Variants in WIPF1 observed in about 807,000 individuals in gnomAD.
WIPF1 encodes WAS/WASL interacting protein family member 1.
A neutral mutation model predicts 35.4 loss-of-function variants in WIPF1; 13 were observed. That is an observed-to-expected ratio of 0.37 (90% CI 0.24 to 0.58). The LOEUF is 0.58. Among genes scored for constraint, WIPF1 ranks in the 20% least tolerant of loss-of-function variants. The pLI, the probability that WIPF1 is intolerant of heterozygous loss-of-function variation, is 0.74. For missense variants in WIPF1, 591 were observed against 667.0 expected, an observed-to-expected ratio of 0.89 and a Z score of 1.25; for synonymous variants, 267 against 266.3, an observed-to-expected ratio of 1.00 and a Z score of -0.02.
chr2:174,638,574 C>A (rs1186385500), intron 1 of WIPF1, among the ~76,000 whole-genome samples: 1 of 151,944 alleles, frequency 6.6e-6, no homozygotes, highest in Non-Finnish European at 1.5e-5. Context: ...TAGTAACCAT[C>A]TGTTCTATTC....
chr2:174,627,488 TC>T (rs1262994660), intron 1 of WIPF1, among the ~76,000 whole-genome samples: 1 of 149,158 alleles, frequency 6.7e-6, no homozygotes, highest in Non-Finnish European at 1.5e-5. Flanking sequence ...TCTTTTTCCC[TC>T]CCTTCCTTCC....
chr2:174,652,414 A>G (rs930904668), intron 1 of WIPF1, among the ~76,000 whole-genome samples: 4 of 152,250 alleles, frequency 2.6e-5, no homozygotes, highest in African/African-American at 9.6e-5. Context: ...GGGAGGCCAC[A>G]GTCCCAGGGC....
At chr2:174,581,737 T>C (rs1214658937) in intron 2 of WIPF1, among the ~76,000 whole-genome samples, 2 of 152,160 alleles carry the variant, frequency 1.3e-5, no homozygotes, top group African/African-American at 4.8e-5. Flanking sequence ...TAGGGTGAGA[T>C]GACTAGACAC....
chr2:174,596,978 A>G (rs762883030), intron 1 of WIPF1, among the ~76,000 whole-genome samples: 4 of 152,242 alleles, frequency 2.6e-5, no homozygotes, highest in Admixed American at 2.6e-4. Flanking sequence ...AACATTAATC[A>G]TATTAAACAT....
rs748972828 is a variant in WIPF1, at chr2:174,585,587, G to A, written c.-14C>T. On this transcript the variant is annotated 5_prime_UTR_variant, in exon 2 of 8. Transcript: ENST00000679041. ...AGGGACAGGCATCTTGGGCAGTTAT[G>A]CGTTCAACAGTCTTGCTGATAAATC... The A allele has an allele frequency of 2.5e-6, 4 of 1,611,928 alleles. No homozygotes were observed. The highest frequency in any genetic ancestry group is 3.4e-6 in the Non-Finnish European group (4 of 1,178,924).
intron 1 of WIPF1, among the ~76,000 whole-genome samples, chr2:174,680,018 G>C (rs1312425920): frequency 6.6e-6 from 1 of 152,214 alleles, no homozygotes; most frequent in Non-Finnish European, 1.5e-5. Flanking sequence ...TATTTGTTAA[G>C]TGGACAAACG....
At position 174,590,531 on chromosome 2, in the gene WIPF1, T is replaced by A. The variant is rs1685570736; in HGVS notation, c.-38-4920A>T. Among the ~76,000 whole-genome samples the A allele has an allele frequency of 6.6e-6, 1 of 152,102 alleles. No individual in the cohort carries two copies. Among genetic ancestry groups the A allele is most frequent in the African/African-American group, 2.4e-5 (1 of 41,418 alleles). On this transcript the variant is annotated intron_variant, in intron 1 of 7. Transcript: ENST00000679041. The surrounding 1 kb of genome is among the most constrained non-coding windows in gnomAD (Gnocchi z 4.6). ...CAGCATTTGGTTCTTCCCTTGGAGA[T>A]GGGAGCATGGCAGGAAAGGCAGCTG...
chr2:174,656,924 C>A (rs1231755498), intron 1 of WIPF1, among the ~76,000 whole-genome samples: 1 of 152,214 alleles, frequency 6.6e-6, no homozygotes, highest in Non-Finnish European at 1.5e-5. Context: ...AAATAGACAG[C>A]TACTCAGTGC....
At chr2:174,584,043 G>A (rs1685323662) in intron 2 of WIPF1, among the ~76,000 whole-genome samples, 1 of 152,112 alleles carries the variant, frequency 6.6e-6, no homozygotes, top group Non-Finnish European at 1.5e-5. Context: ...GCCCAGGCTG[G>A]TCTCGAACTC....
intron 1 of WIPF1, among the ~76,000 whole-genome samples, chr2:174,654,706 T>C (rs1687606841): frequency 2.0e-5 from 3 of 152,118 alleles, no homozygotes; most frequent in Admixed American, 1.3e-4. Context: ...TTGGTTTTTT[T>C]CCCTTCTATA....
chr2:174,588,427 G>A (rs933244954), intron 1 of WIPF1, among the ~76,000 whole-genome samples: 35 of 152,266 alleles, frequency 2.3e-4, no homozygotes, highest in African/African-American at 7.5e-4. Flanking sequence ...TTCGGCTCTC[G>A]TAACAGAGAT....
intron 1 of WIPF1, among the ~76,000 whole-genome samples, chr2:174,653,741 C>CAAAAA (rs1175251483): frequency 3.5e-5 from 2 of 57,830 alleles, no homozygotes; most frequent in African/African-American, 5.6e-5. Flanking sequence ...GCCTCTGTCT[C>CAAAAA]AAAAAAAAAA....
intron 1 of WIPF1, among the ~76,000 whole-genome samples, chr2:174,595,052 C>T (rs1464067357): frequency 8.0e-6 from 1 of 124,600 alleles, no homozygotes; most frequent in African/African-American, 3.1e-5. Flanking sequence ...GAGTTTGAGA[C>T]CATCCTGGGC....
rs531206210 is a variant in WIPF1 at position 174,590,463 on chromosome 2, A to C, written c.-38-4852T>G. ...AGCTTTGCTCAGTGGCTGTGGGTGGATCTGCCTGGGTGGGAATGAGGCTGA... is the reference window on the plus strand; with the variant it reads ...AGCTTTGCTCAGTGGCTGTGGGTGGCTCTGCCTGGGTGGGAATGAGGCTGA... On this transcript the variant is annotated intron_variant, in intron 1 of 7. Transcript: ENST00000679041. This position sits in a 1 kb window ranked among gnomAD's most constrained non-coding sequence, Gnocchi z 4.6. 6.6e-6 allele frequency among the ~76,000 whole-genome samples: 1 copy of C among 152,274 alleles called. No homozygotes were observed. Among genetic ancestry groups the C allele is most frequent in the South Asian group, 2.1e-4 (1 of 4,832 alleles).
At chr2:174,570,171 G>A (rs967133602) in intron 5 of WIPF1, among the ~76,000 whole-genome samples, 1 of 152,164 alleles carries the variant, frequency 6.6e-6, no homozygotes, top group Non-Finnish European at 1.5e-5. Context: ...TACATTTGTA[G>A]GATTTAATAT....
chr2:174,590,818 T>A lies in WIPF1; in HGVS notation c.-38-5207A>T, dbSNP rs1685579405. 6.6e-6 allele frequency among the ~76,000 whole-genome samples: 1 copy of A among 152,194 alleles called. No individual in the cohort carries two copies. The highest frequency in any genetic ancestry group is 6.5e-5 in the Admixed American group (1 of 15,272). ...AAGAATAATTTCAATGTTAAGTAAC[T>A]TTCATGATAGAAAAGCCAGACTTTC... On this transcript the variant is annotated intron_variant, in intron 1 of 7. Transcript: ENST00000679041. The surrounding 1 kb of genome is among the most constrained non-coding windows in gnomAD (Gnocchi z 4.6).
intron 1 of WIPF1, among the ~76,000 whole-genome samples, chr2:174,626,348 C>T (rs1278382764): frequency 2.0e-5 from 3 of 152,128 alleles, no homozygotes; most frequent in African/African-American, 7.2e-5. Flanking sequence ...GAGTCACATT[C>T]CATGTTTTTA....
At chr2:174,588,452 G>C (rs1685495178) in intron 1 of WIPF1, among the ~76,000 whole-genome samples, 2 of 152,188 alleles carry the variant, frequency 1.3e-5, no homozygotes, top group African/African-American at 4.8e-5. Flanking sequence ...TTGAACTTCT[G>C]TCCTGCACAG....
chr2:174,613,184 T>C (rs1194227556), intron 1 of WIPF1, among the ~76,000 whole-genome samples: 2 of 152,242 alleles, frequency 1.3e-5, no homozygotes, highest in Non-Finnish European at 2.9e-5. Context: ...AAAACAGCAG[T>C]TGTGACCCTG....
Sources: allele counts gnomAD v4.1 joint callset (sites outside exome capture counted in the v4.1 genomes callset), GRCh38; gene constraint gnomAD v4.1.1; non-coding constraint Gnocchi (gnomAD v3.1); transcripts MANE v1.5; gene names NCBI Gene and HGNC (gene_info 2026-07-23, HGNC 2026-07-21).